LDAH: variants seen among roughly 807,000 people sequenced by gnomAD.
LDAH encodes lipid droplet associated hydrolase.
Under a neutral mutation model 29.6 loss-of-function variants are expected in LDAH, and 26 were observed. The observed-to-expected ratio is 0.88, with a 90% CI of 0.64 to 1.22. The LOEUF is 1.22. Among genes scored for constraint, LDAH ranks in the 50% most tolerant of loss-of-function variants. The pLI is 0.00. For missense variants in LDAH, 344 were observed against 387.3 expected, an observed-to-expected ratio of 0.89 and a Z score of 0.94; for synonymous variants, 117 against 133.0, an observed-to-expected ratio of 0.88 and a Z score of 0.83.
At chr2:20,789,898 T>C (rs540810772) in intron 3 of LDAH, among the ~76,000 whole-genome samples, 7 of 152,058 alleles carry the variant, frequency 4.6e-5, no homozygotes, top group Non-Finnish European at 8.8e-5. Context: ...TGTGGAAAAA[T>C]TGTCTTCCAC....
At chr2:20,715,267 C>A (rs1225676697) in intron 5 of LDAH, among the ~76,000 whole-genome samples, 1 of 152,122 alleles carries the variant, frequency 6.6e-6, no homozygotes, top group Non-Finnish European at 1.5e-5. Context: ...TAAACAGAAC[C>A]AACGACAAAA....
rs140124273 is a variant in LDAH, at chr2:20,796,054, T to C, written c.154+5256A>G. Among the ~76,000 whole-genome samples the C allele has an allele frequency of 7.9e-5, 12 of 151,790 alleles. 1 individual carries two copies. The East Asian group carries it at 2.1e-3, about 27-fold the overall frequency. ...TAAAAGAACACTAGGAAATGAAATA[T>C]GATCTGAAAATGTCAAAGCACTATA... On this transcript the variant is annotated intron_variant, in intron 2 of 6. Transcript: ENST00000237822.
intron 3 of LDAH, among the ~76,000 whole-genome samples, chr2:20,784,587 A>T (rs1357409688): frequency 6.6e-6 from 1 of 151,640 alleles, no homozygotes; most frequent in Non-Finnish European, 1.5e-5. Flanking sequence ...TATACTTATT[A>T]AAAAAATTTT....
At chr2:20,732,769 A>G (rs1396689965) in intron 5 of LDAH, among the ~76,000 whole-genome samples, 2 of 152,038 alleles carry the variant, frequency 1.3e-5, no homozygotes, top group Non-Finnish European at 2.9e-5. Flanking sequence ...TTGTGTCTTC[A>G]GCTGTTTTTT....
chr2:20,767,635 G>A (rs1166998268), intron 4 of LDAH, among the ~76,000 whole-genome samples: 4 of 152,306 alleles, frequency 2.6e-5, no homozygotes, highest in Non-Finnish European at 4.4e-5. Flanking sequence ...GAGGATCTCC[G>A]GTGAGGCCCC....
At chr2:20,700,125 C>T (rs1663814736) in intron 6 of LDAH, among the ~76,000 whole-genome samples, 1 of 152,220 alleles carries the variant, frequency 6.6e-6, no homozygotes, top group Admixed American at 6.5e-5. Flanking sequence ...AACAGATTCA[C>T]TTACAGTTTA....
At chr2:20,808,644 A>C (rs113619507) in intron 1 of LDAH, among the ~76,000 whole-genome samples, 8,105 of 148,448 alleles carry the variant, frequency 0.055, 326 homozygotes, top group African/African-American at 0.11. Context: ...CGCGATAGAG[A>C]GAGACTCCGT....
chr2:20,795,012 C>T (rs955460624), intron 2 of LDAH, among the ~76,000 whole-genome samples: 3 of 152,114 alleles, frequency 2.0e-5, no homozygotes, highest in Non-Finnish European at 4.4e-5. Context: ...TACACTTATG[C>T]AACTAAAAAA....
intron 5 of LDAH, among the ~76,000 whole-genome samples, chr2:20,725,053 G>T (rs1665916901): frequency 6.6e-6 from 1 of 152,154 alleles, no homozygotes; most frequent in Admixed American, 6.5e-5. Flanking sequence ...TTGGTCTATG[G>T]TGACTGAGAT....
intron 6 of LDAH, among the ~76,000 whole-genome samples, chr2:20,694,056 A>T (rs1663237904): frequency 1.3e-5 from 2 of 152,080 alleles, no homozygotes; most frequent in South Asian, 4.1e-4. Flanking sequence ...TGCTTGTTTC[A>T]TTGTTTGTGA....
intron 1 of LDAH, among the ~76,000 whole-genome samples, chr2:20,816,775 T>C (rs1200696971): frequency 6.6e-6 from 1 of 151,944 alleles, no homozygotes; most frequent in Non-Finnish European, 1.5e-5. Flanking sequence ...AGAATACACA[T>C]TCTTTTCAAG....
At chr2:20,780,272 C>T (rs1166360428) in intron 3 of LDAH, among the ~76,000 whole-genome samples, 2 of 152,096 alleles carry the variant, frequency 1.3e-5, no homozygotes, top group African/African-American at 4.8e-5. Flanking sequence ...ATTCTCCAAA[C>T]GGTGAAAACC....
chr2:20,806,541 G>T (rs1672077835), intron 1 of LDAH, among the ~76,000 whole-genome samples: 2 of 151,918 alleles, frequency 1.3e-5, no homozygotes, highest in Non-Finnish European at 2.9e-5. Context: ...TTTAAAATTG[G>T]CCTAGAAGCC....
Position 20,801,431 on chromosome 2 carries a change from C to G in LDAH, c.33G>C (p.Val11=). 1 of 1,614,048 alleles carries G rather than the reference C, an allele frequency of 6.2e-7. No homozygotes were observed. The highest frequency in any genetic ancestry group is 8.5e-7 in the Non-Finnish European group (1 of 1,179,948). ...CACCACACAAAATGAATTCCTCATG[C>G]ACAGGAATTTCTTCCTTGAGTTCTG... MDSELKEEIP[V]HEEFILCGGA... Residue 11 remains valine, a synonymous_variant, in exon 2 of 7, where the codon GTG becomes GTC. Transcript: ENST00000237822.
Position 20,701,619 on chromosome 2 carries a change from A to G in LDAH, c.737T>C (p.Met246Thr). The change falls in exon 6 of 7, where the codon ATG becomes ACG. Residue 246 changes from methionine to threonine, a missense_variant. By Grantham distance (81) the Met-to-Thr change is moderately conservative. Transcript: ENST00000237822. ...TTCGTCATCTCTCTTCACCACCTCC[A>G]TCATTTCTTGGCCCCCAAGGTAGGC... ...NAAYLGGQEM[M>T]EVVKRDDETI... 1.2e-6 allele frequency: 2 copies of G among 1,614,114 alleles called. No homozygotes were observed. Among genetic ancestry groups the G allele is most frequent in the Non-Finnish European group, 1.7e-6 (2 of 1,180,004 alleles).
chr2:20,799,508 C>T (rs1671524468), intron 2 of LDAH, among the ~76,000 whole-genome samples: 1 of 152,138 alleles, frequency 6.6e-6, no homozygotes, highest in East Asian at 1.9e-4. Context: ...CAAGGCCTCT[C>T]TTCTAGCTAC....
intron 4 of LDAH, among the ~76,000 whole-genome samples, chr2:20,761,545 CTATT>C (rs1013113606): frequency 6.6e-6 from 1 of 152,126 alleles, no homozygotes; most frequent in Non-Finnish European, 1.5e-5. Flanking sequence ...GTTCTTTTGT[CTATT>C]TATAAACTAT....
intron 4 of LDAH, among the ~76,000 whole-genome samples, chr2:20,771,516 C>T (rs115463793): frequency 9.2e-5 from 14 of 152,338 alleles, no homozygotes; most frequent in African/African-American, 2.9e-4. Context: ...TGGAGCATGT[C>T]ATGCTAACTT....
chr2:20,814,159 C>T (rs1672686531), intron 1 of LDAH, among the ~76,000 whole-genome samples: 1 of 149,508 alleles, frequency 6.7e-6, no homozygotes, highest in South Asian at 2.1e-4. Context: ...ATTTTTCATG[C>T]ATTAACTTTT....
Sources: allele counts gnomAD v4.1 joint callset (sites outside exome capture counted in the v4.1 genomes callset), GRCh38; gene constraint gnomAD v4.1.1; transcripts MANE v1.5; gene names NCBI Gene and HGNC (gene_info 2026-07-23, HGNC 2026-07-21).